The following ST7 variants were observed in gnomAD, a reference collection of about 807,000 sequenced individuals.
The protein encoded by ST7 is suppressor of tumorigenicity 7 protein.
Under a neutral mutation model 78.7 loss-of-function variants are expected in ST7, and 28 were observed. The observed-to-expected ratio is 0.36, with a 90% confidence interval of 0.26 to 0.49. The LOEUF (loss-of-function observed/expected upper bound fraction) is 0.49. ST7 is among the 20% of genes least tolerant of loss of function. The pLI is 0.99. For synonymous variants in ST7, 247 were observed against 249.6 expected (o/e 0.99, Z 0.10); for missense variants, 418 against 696.0 (o/e 0.60, Z 4.49).
At chr7:117,208,656 G>A (rs1242250900) in intron 12 of ST7, among the ~76,000 whole-genome samples, 2 of 152,180 alleles carry the variant, frequency 1.3e-5, no homozygotes, top group East Asian at 3.8e-4. Context: ...AACATTGATA[G>A]TTGTGCCATA....
chr7:117,000,046 C>T (rs965650567), intron 1 of ST7, among the ~76,000 whole-genome samples: 3 of 152,054 alleles, frequency 2.0e-5, no homozygotes, highest in East Asian at 1.9e-4. Context: ...CTCCTGACCT[C>T]GTGATCCACC....
intron 12 of ST7, among the ~76,000 whole-genome samples, chr7:117,195,564 C>T (rs1810230615): frequency 1.3e-5 from 2 of 152,158 alleles, no homozygotes; most frequent in South Asian, 2.1e-4. Flanking sequence ...CCTCAGGAAA[C>T]TTACATTCAT....
At chr7:116,958,406 T>A (rs1345025249) in intron 1 of ST7, among the ~76,000 whole-genome samples, 2 of 152,170 alleles carry the variant, frequency 1.3e-5, no homozygotes, top group Non-Finnish European at 2.9e-5. Flanking sequence ...TTGGCATTTT[T>A]TCATGTTGAG....
chr7:117,023,932 C>T (rs1796058095), intron 1 of ST7, among the ~76,000 whole-genome samples: 1 of 152,144 alleles, frequency 6.6e-6, no homozygotes, highest in African/African-American at 2.4e-5. Flanking sequence ...GCCTCAGCCT[C>T]CCGAGTAGCT....
chr7:116,993,097 G>A (rs964110334), intron 1 of ST7, among the ~76,000 whole-genome samples: 2 of 152,110 alleles, frequency 1.3e-5, no homozygotes, highest in South Asian at 4.1e-4. Context: ...ACATTTTCCT[G>A]TCTTCTTCTG....
Position 117,130,599 on chromosome 7 carries a change from A to T in ST7, c.558A>T (p.Ala186=), listed in dbSNP as rs767671350. Residue 186 remains alanine (A), a synonymous_variant, in exon 5 of 16, where the codon GCA becomes GCT. Coordinates refer to ENST00000323984, the MANE Select transcript of ST7 (RefSeq NM_001369598.1). ...FTCDSDHLRP[A]DAIMQKAWRE... is the part of the protein sequence containing the mutation. ...GTGACTCGGACCATCTGCGTCCCGCAGATGCAAGTATGAAAAATCCATACA... is the reference window on the plus strand; with the variant it reads ...GTGACTCGGACCATCTGCGTCCCGCTGATGCAAGTATGAAAAATCCATACA... The T allele has an allele frequency of 6.2e-7, 1 of 1,608,744 alleles. No individual in the cohort carries two copies. Among genetic ancestry groups the T allele is most frequent in the East Asian group, 2.2e-5 (1 of 44,594 alleles).
Position 117,025,112 on chromosome 7 carries a change from A to T in ST7, c.151+71421A>T, listed in dbSNP as rs181561006. 2.0e-3 allele frequency among the ~76,000 whole-genome samples: 303 copies of T among 150,074 alleles called. 1 individual carries two copies. The highest frequency in any genetic ancestry group is 3.8e-3 in the Admixed American group (57 of 15,084). On this transcript the variant is annotated intron_variant, in intron 1 of 15. Coordinates refer to ENST00000323984, the MANE Select transcript of ST7 (RefSeq NM_001369598.1). ...GTAGTTAAACAGACATCTCTTTGAT[A>T]AAAAAAAAGTGAGTTGTAGTCTTTT...
chr7:117,223,033 T>C, intron 15 of ST7: 1 of 1,293,164 alleles, frequency 7.7e-7, no homozygotes, highest in Non-Finnish European at 1.1e-6. Flanking sequence ...CCTGTATTCC[T>C]GACCTCCGCC....
chr7:117,202,299 C>T (rs185368575), intron 12 of ST7, among the ~76,000 whole-genome samples: 1 of 152,128 alleles, frequency 6.6e-6, no homozygotes, highest in Non-Finnish European at 1.5e-5. Context: ...GCTCCTACTG[C>T]GCAGCTTCCA....
intron 3 of ST7, among the ~76,000 whole-genome samples, chr7:117,122,634 A>C (rs1447764848): frequency 6.6e-6 from 1 of 152,190 alleles, no homozygotes; most frequent in Non-Finnish European, 1.5e-5. Flanking sequence ...GTATCATAAC[A>C]GTGTTCAAAT....
intron 9 of ST7, among the ~76,000 whole-genome samples, chr7:117,155,624 C>T (rs1806632569): frequency 6.6e-6 from 1 of 152,304 alleles, no homozygotes; most frequent in Middle Eastern, 3.4e-3. Context: ...TTGGTTTAAA[C>T]CATCATCTCT....
chr7:117,057,399 T>C (rs1403352959), intron 1 of ST7, among the ~76,000 whole-genome samples: 1 of 152,208 alleles, frequency 6.6e-6, no homozygotes, highest in Non-Finnish European at 1.5e-5. Flanking sequence ...CTCAACCTTA[T>C]GTTTGTATAT....
chr7:117,090,022 T>C (rs1039006557), intron 1 of ST7, among the ~76,000 whole-genome samples: 1 of 152,186 alleles, frequency 6.6e-6, no homozygotes, highest in Non-Finnish European at 1.5e-5. Context: ...TTTGGAAAGA[T>C]TCCGTTGTGA....
chr7:116,978,878 C>G (rs551989005), intron 1 of ST7, among the ~76,000 whole-genome samples: 24 of 152,238 alleles, frequency 1.6e-4, no homozygotes, highest in Admixed American at 3.3e-4. Flanking sequence ...TGAGCCACTG[C>G]GCCTGGCCCA....
intron 12 of ST7, among the ~76,000 whole-genome samples, chr7:117,196,429 C>A (rs1034207117): frequency 1.3e-5 from 2 of 152,122 alleles, no homozygotes; most frequent in Non-Finnish European, 2.9e-5. Flanking sequence ...AACTTGCCAA[C>A]CCTTGTTATT....
intron 10 of ST7, among the ~76,000 whole-genome samples, chr7:117,181,419 A>T (rs978885743): frequency 1.3e-5 from 2 of 152,178 alleles, no homozygotes; most frequent in South Asian, 4.1e-4. Flanking sequence ...TCTGCCACTC[A>T]TTTGTTAGGT....
intron 1 of ST7, among the ~76,000 whole-genome samples, chr7:117,044,446 A>G (rs1797387500): frequency 6.6e-6 from 1 of 152,114 alleles, no homozygotes; most frequent in South Asian, 2.1e-4. Context: ...TCCTGGGTTC[A>G]AGCAATTCTT....
At chr7:117,047,368 C>T (rs1399557730) in intron 1 of ST7, among the ~76,000 whole-genome samples, 5 of 152,186 alleles carry the variant, frequency 3.3e-5, no homozygotes, top group Non-Finnish European at 5.9e-5. Context: ...CAGGGAGTGA[C>T]AACTTTGTTG....
intron 1 of ST7, among the ~76,000 whole-genome samples, chr7:117,032,801 A>C (rs1318563267): frequency 6.6e-6 from 1 of 152,206 alleles, no homozygotes; most frequent in Non-Finnish European, 1.5e-5. Context: ...CTAGTTAATT[A>C]GTGTAGTCTT....
Sources: allele counts gnomAD v4.1 joint callset (sites outside exome capture counted in the v4.1 genomes callset), GRCh38; gene constraint gnomAD v4.1.1; transcripts MANE v1.5; gene names NCBI Gene and HGNC (gene_info 2026-07-23, HGNC 2026-07-21).